Variants in XPO5 observed in about 807,000 individuals in gnomAD.
The protein encoded by XPO5 is exportin 5, also known as exportin-5.
A neutral mutation model predicts 160.6 loss-of-function variants in XPO5; 46 were observed. The ratio of observed to expected loss-of-function variants is 0.29; its 90% CI spans 0.23 to 0.37. The LOEUF (loss-of-function observed/expected upper bound fraction) is 0.37. Ranked by LOEUF, XPO5 falls within the 10% of genes least tolerant of loss-of-function variation. The pLI is 1.00. For synonymous variants in XPO5, 537 were observed against 519.3 expected, an observed-to-expected ratio of 1.03 and a Z score of -0.46; for missense variants, 1,090 against 1,463.9, an observed-to-expected ratio of 0.74 and a Z score of 4.17.
At chr6:43,562,372 A>G in intron 8 of XPO5, 26 bp from the exon 9 acceptor site, 1 of 1,526,964 alleles carries the variant, frequency 6.5e-7, no homozygotes, top group Middle Eastern at 1.7e-4. Flanking sequence ...TCCTTATATC[A>G]CCAACAAAAT....
chr6:43,526,842 G>C lies in XPO5; in HGVS notation c.2921-95C>G, dbSNP rs193060856. ...ACTGATCCCAACCTGTCTCTGGCCA[G>C]GTGAGGAAGGAGGAAGATGGGGGTA... On this transcript the variant is annotated intron_variant, in intron 26 of 31. Coordinates refer to ENST00000265351, the MANE Select transcript of XPO5 (RefSeq NM_020750.3). The C allele has an allele frequency of 1.9e-4, 247 of 1,315,728 alleles. 1 individual carries two copies. The East Asian group carries it at 5.2e-3, about 28-fold the overall frequency. 81.5% of individuals were successfully genotyped at this position (1,315,728 alleles called of 1,614,324 possible).
chr6:43,540,657 A>C (rs1342157439), intron 20 of XPO5, among the ~76,000 whole-genome samples: 1 of 152,140 alleles, frequency 6.6e-6, no homozygotes, highest in Non-Finnish European at 1.5e-5. Flanking sequence ...CCGTTTCAAA[A>C]AAAATAAATT....
At chr6:43,571,657 A>G (rs913964600) in intron 3 of XPO5, among the ~76,000 whole-genome samples, 5 of 152,140 alleles carry the variant, frequency 3.3e-5, no homozygotes, top group African/African-American at 1.2e-4. Flanking sequence ...CCAAAAACAA[A>G]ATTAGCTGGG....
At chr6:43,536,787 A>AAAAAAAAG (rs1561869430) in intron 20 of XPO5, among the ~76,000 whole-genome samples, 8 of 148,472 alleles carry the variant, frequency 5.4e-5, no homozygotes, top group African/African-American at 1.5e-4. Flanking sequence ...AAAAAAAAAA[A>AAAAAAAAG]AAAGCAGCTT....
chr6:43,572,638 G>C, intron 2 of XPO5, 60 bp from the exon 3 acceptor site: 3 of 1,468,848 alleles, frequency 2.0e-6, no homozygotes. Context: ...CTTTACAAGA[G>C]AATAGCATGG....
intron 1 of XPO5, 140 bp downstream of exon 1, chr6:43,575,620 A>AGG: frequency 2.9e-6 from 2 of 687,472 alleles, no homozygotes; most frequent in East Asian, 5.9e-5. Context: ...GAGGGCCGCG[A>AGG]GGGGAAGGTC....
intron 3 of XPO5, 66 bp downstream of exon 3, chr6:43,572,440 T>C (rs1582250308): frequency 1.3e-6 from 2 of 1,497,366 alleles, no homozygotes; most frequent in Non-Finnish European, 9.3e-7. Context: ...ACAAACTCCC[T>C]ATTGAAGAAG....
chr6:43,544,920 T>TG (rs1180144267), intron 20 of XPO5, among the ~76,000 whole-genome samples: 1 of 152,190 alleles, frequency 6.6e-6, no homozygotes, highest in African/African-American at 2.4e-5. Context: ...TCGCCCAGGC[T>TG]GGAGTGCAGT....
intron 26 of XPO5, 54 bp downstream of exon 26, chr6:43,527,580 C>G: frequency 6.3e-7 from 1 of 1,585,526 alleles, no homozygotes; most frequent in Non-Finnish European, 8.7e-7. Flanking sequence ...GCTGAGCGAC[C>G]AGCTCTTCTT....
chr6:43,568,023 G>A (rs1762788614), intron 6 of XPO5, among the ~76,000 whole-genome samples: 1 of 150,678 alleles, frequency 6.6e-6, no homozygotes. Flanking sequence ...CAGAACAAAG[G>A]ACAGGCTGGG....
Position 43,575,850 on chromosome 6 carries a change from T to G in XPO5, c.15A>C (p.Gln5His). 6.2e-7 allele frequency: 1 copy of G among 1,613,764 alleles called. No homozygotes were observed. The highest frequency in any genetic ancestry group is 8.5e-7 in the Non-Finnish European group (1 of 1,179,752). The stretch of plus-strand genomic sequence containing the variant: ...CCAGCTGCTCGCACAGCGCGTTTAC[T>G]TGATCCATCGCCATGCCTAGCGCCA... MAMD[Q>H]VNALCEQLVK... The change falls in exon 1 of 32, where the codon CAA (glutamine) becomes CAC (histidine). Residue 5 changes from glutamine (Q) to histidine (H), a missense_variant. Physicochemically the swap from Gln to His is conservative, Grantham distance 24 (BLOSUM62 0). Coordinates refer to ENST00000265351, the MANE Select transcript of XPO5 (RefSeq NM_020750.3).
rs546413046 is a variant in XPO5, at chr6:43,565,551, C to T, written c.911+109G>A. 1.6e-4 allele frequency: 160 copies of T among 989,836 alleles called. No homozygotes were observed. In the African/African-American group the frequency reaches 2.5e-3, roughly 16 times the overall value. The allele number at this position is 989,836 out of a possible 1,614,324, so 61.3% of individuals were successfully genotyped here. ...CTGCACTCCAGCCTGGGTGACAGAG[C>T]GAGATCCATCTCAAAATAAAAAAAA... On this transcript the variant is annotated intron_variant, in intron 8 of 31. Transcript: ENST00000265351.
chr6:43,567,247 C>G lies in XPO5; in HGVS notation c.756G>C (p.Glu252Asp). The change falls in exon 7 of 32, where the codon GAG (glutamate) becomes GAC (aspartate). Residue 252 changes from glutamate to aspartate, a missense_variant. Around this residue, in one of 3 missense-constraint regions of XPO5, gnomAD observed 110 missense variants for 97.9 expected, o/e 1.12. Transcript: ENST00000265351. ...HITAENCKLL[E>D]ILCLLLNEQE... ...GTTCATTCAACAGCAAACACAGTATCTCCAGGAGTTTACAGTTTTCAGCAG... is the reference window on the plus strand; with the variant it reads ...GTTCATTCAACAGCAAACACAGTATGTCCAGGAGTTTACAGTTTTCAGCAG... 1 of 1,614,020 alleles carries G rather than the reference C, an allele frequency of 6.2e-7. No homozygotes were observed. The highest frequency in any genetic ancestry group is 8.5e-7 in the Non-Finnish European group (1 of 1,179,884).
At position 43,522,788 on chromosome 6, in the gene XPO5, T is replaced by C. The variant is rs1156637823; in HGVS notation, c.*1080A>G. On this transcript the variant is annotated 3_prime_UTR_variant, in exon 32 of 32. Coordinates refer to ENST00000265351, the MANE Select transcript of XPO5 (RefSeq NM_020750.3). The stretch of plus-strand genomic sequence containing the variant: ...TGGACACACTGGTTTCTGTATGGAT[T>C]AACTCTGCCTTACGGCCAGTAATAA... 2 of 431,470 alleles carry C rather than the reference T, an allele frequency of 4.6e-6. No individual in the cohort carries two copies. The highest frequency in any genetic ancestry group is 2.4e-5 in the Admixed American group (1 of 42,072). The allele number at this position is 431,470 out of a possible 1,614,324, so 26.7% of individuals were successfully genotyped here. A position where few individuals can be genotyped will look rare whatever the true frequency, so the allele number is the denominator to read the frequency against.
chr6:43,568,597 T>A (rs532633554), intron 6 of XPO5, 114 bp downstream of exon 6: 1 of 949,540 alleles, frequency 1.1e-6, no homozygotes, highest in African/African-American at 1.7e-5. Context: ...CAGTAAGACC[T>A]GTCTCCAAAA....
chr6:43,553,717 G>GCCT, intron 13 of XPO5: 1 of 992,966 alleles, frequency 1.0e-6, no homozygotes, highest in Non-Finnish European at 1.3e-6. Context: ...TTCCTACCAT[G>GCCT]CCTCCTCCTC....
chr6:43,572,673 G>A (rs1763070285), intron 2 of XPO5, 95 bp from the exon 3 acceptor site: 1 of 1,266,122 alleles, frequency 7.9e-7, no homozygotes, highest in Non-Finnish European at 1.1e-6. Context: ...TTACACTGGA[G>A]ATTTCATTAA....
At position 43,525,214 on chromosome 6, in the gene XPO5, C is replaced by A; in HGVS notation, c.3067G>T (p.Asp1023Tyr). The change falls in exon 29 of 32, where the codon GAT becomes TAT. Residue 1023 changes from aspartate to tyrosine, a missense_variant and splice_region_variant. By Grantham distance (160) the Asp-to-Tyr change is radical. Around this residue, in one of 3 missense-constraint regions of XPO5, gnomAD observed 810 missense variants for 1,139.0 expected, o/e 0.71. Coordinates refer to ENST00000265351, the MANE Select transcript of XPO5 (RefSeq NM_020750.3). ...GTAATTAATAGCGCTGTACAAACAT[C>A]CTGAACAGGAAAAGATGAAGAGTTA... ...DLGKCLMKHE[D>Y]VCTALLITAF... 1 of 1,571,266 alleles carries A rather than the reference C, an allele frequency of 6.4e-7. No individual in the cohort carries two copies. Among genetic ancestry groups the A allele is most frequent in the Non-Finnish European group, 8.6e-7 (1 of 1,157,212 alleles).
At chr6:43,551,701 T>C (rs570587862) in intron 14 of XPO5, among the ~76,000 whole-genome samples, 1 of 152,114 alleles carries the variant, frequency 6.6e-6, no homozygotes, top group Non-Finnish European at 1.5e-5. Flanking sequence ...CTTTCTAAAA[T>C]TTTTGTAGAG....
Sources: allele counts gnomAD v4.1 joint callset (sites outside exome capture counted in the v4.1 genomes callset), GRCh38; gene constraint gnomAD v4.1.1; regional missense constraint gnomAD v4.1.1; transcripts MANE v1.5; gene names NCBI Gene and HGNC (gene_info 2026-07-23, HGNC 2026-07-21).